Variants in DNAH14 observed in about 807,000 individuals in gnomAD.
The protein encoded by DNAH14 is axonemal beta dynein heavy chain 14.
In DNAH14, 478 loss-of-function variants were observed where a neutral mutation model predicts 520.9. The ratio of observed to expected loss-of-function variants is 0.92; its 90% CI spans 0.85 to 0.99. The LOEUF is 0.99. DNAH14 is among the 50% of genes least tolerant of loss of function. The probability of loss-of-function intolerance (pLI) is 0.00; values close to 1 mark genes in which losing one functional copy is unlikely to be tolerated. For missense variants in DNAH14, 4,831 were observed against 5,234.5 expected (o/e 0.92, Z 2.38); for synonymous variants, 1,581 against 1,757.2 (o/e 0.90, Z 2.51).
chr1:225,349,204 A>G (rs2095330014), intron 71 of DNAH14, among the ~76,000 whole-genome samples: 1 of 152,110 alleles, frequency 6.6e-6, no homozygotes, highest in Admixed American at 6.6e-5. Context: ...GAATTTTTGT[A>G]TGGGACTGAA....
At chr1:225,257,498 A>AT (rs1469397179) in intron 44 of DNAH14, among the ~76,000 whole-genome samples, 1 of 151,694 alleles carries the variant, frequency 6.6e-6, no homozygotes, top group Non-Finnish European at 1.5e-5. Flanking sequence ...ATCTTAACAT[A>AT]TTTTATTTCT....
intron 36 of DNAH14, among the ~76,000 whole-genome samples, chr1:225,174,598 A>G (rs950026696): frequency 6.6e-6 from 1 of 152,222 alleles, no homozygotes; most frequent in African/African-American, 2.4e-5. Context: ...CTTTCTGTAT[A>G]GATGATCATG....
chr1:224,982,413 C>T (rs2062340197), intron 8 of DNAH14, among the ~76,000 whole-genome samples: 1 of 152,164 alleles, frequency 6.6e-6, no homozygotes, highest in Non-Finnish European at 1.5e-5. Flanking sequence ...AGGAGCAATA[C>T]CCAACTGGTG....
intron 66 of DNAH14, among the ~76,000 whole-genome samples, chr1:225,335,379 A>ATGCACATATACACATGTGTACATGTGTG (rs1558428139): frequency 9.0e-5 from 4 of 44,504 alleles, no homozygotes; most frequent in African/African-American, 4.1e-4. Flanking sequence ...ATGTGTGTGT[A>ATGCACATATACACATGTGTACATGTGTG]TATGCACATA....
intron 35 of DNAH14, among the ~76,000 whole-genome samples, chr1:225,163,419 C>T (rs1040926118): frequency 3.0e-4 from 45 of 152,238 alleles, no homozygotes; most frequent in African/African-American, 1.0e-3. Flanking sequence ...TGAAAATGGG[C>T]ACACTTGTTG....
At chr1:225,087,551 C>A (rs1354579351) in intron 21 of DNAH14, among the ~76,000 whole-genome samples, 1 of 152,176 alleles carries the variant, frequency 6.6e-6, no homozygotes, top group Non-Finnish European at 1.5e-5. Flanking sequence ...GGACAAGGAT[C>A]CCTGAGAGTT....
At chr1:225,343,574 G>C (rs1051198992) in intron 69 of DNAH14, among the ~76,000 whole-genome samples, 1 of 152,064 alleles carries the variant, frequency 6.6e-6, no homozygotes, top group African/African-American at 2.4e-5. Context: ...ACAAAAAAAA[G>C]AGCTTAATTA....
chr1:225,373,172 G>GAAAAAAAAAA (rs3075885), intron 77 of DNAH14, among the ~76,000 whole-genome samples: 3 of 135,756 alleles, frequency 2.2e-5, no homozygotes, highest in Admixed American at 7.5e-5. Context: ...AGCATTTGTG[G>GAAAAAAAAAA]AAAAAAAAAA....
In DNAH14 at chr1:225,368,866, G is replaced by A. The variant is rs138870086; in HGVS notation, c.12318+834G>A. ...CTGCAAGCTCAACTGCCTATCAGAT[G>A]TAATACTTCTGTACCTAACCAGGAA... On this transcript the variant is annotated intron_variant, in intron 77 of 85. Coordinates refer to ENST00000682510, the MANE Select transcript of DNAH14 (RefSeq NM_001367479.1). Among the ~76,000 whole-genome samples the A allele has an allele frequency of 5.1e-3, 779 of 152,232 alleles. 2 individuals carry two copies. Among genetic ancestry groups the A allele is most frequent in the East Asian group, 0.012 (62 of 5,186 alleles).
chr1:225,258,257 AC>A, intron 45 of DNAH14, 139 bp downstream of exon 45: 1 of 842,930 alleles, frequency 1.2e-6, no homozygotes, highest in Non-Finnish European at 1.7e-6. Context: ...TTATTTTCTT[AC>A]CAGCAGTTTA....
chr1:225,123,624 T>C lies in DNAH14; in HGVS notation c.4254+10T>C, dbSNP rs1195235693. On this transcript the variant is annotated intron_variant, in intron 27 of 85. Coordinates refer to ENST00000682510, the MANE Select transcript of DNAH14 (RefSeq NM_001367479.1). ...AGTGGTACTTACTGTGGTAAGTTAA[T>C]GCTGCTTTGATGTATGTATACAGGG... 2 of 414,132 alleles carry C rather than the reference T, an allele frequency of 4.8e-6. No homozygotes were observed. The highest frequency in any genetic ancestry group is 2.1e-5 in the African/African-American group (1 of 48,490). 25.7% of individuals were successfully genotyped at this position (414,132 alleles called of 1,614,324 possible).
chr1:225,141,138 C>A, intron 28 of DNAH14, 117 bp downstream of exon 28: 2 of 1,029,870 alleles, frequency 1.9e-6, no homozygotes, highest in Non-Finnish European at 2.7e-6. Context: ...GGGGCTTTAC[C>A]AAAATTCTAA....
chr1:225,292,937 G>A (rs2093925076), intron 55 of DNAH14, among the ~76,000 whole-genome samples: 1 of 151,532 alleles, frequency 6.6e-6, no homozygotes, highest in African/African-American at 2.4e-5. Context: ...ACTGATTTTT[G>A]TATCCTGCTA....
chr1:224,990,575 T>C (rs553225091), intron 8 of DNAH14, among the ~76,000 whole-genome samples: 1 of 152,350 alleles, frequency 6.6e-6, no homozygotes, highest in South Asian at 2.1e-4. Flanking sequence ...TTTTTGTGCC[T>C]GGCTTATTTA....
Position 225,007,552 on chromosome 1 carries a change from TTTAA to T in DNAH14, c.1107+12_1107+15del, listed in dbSNP as rs771879745. 25 of 1,508,790 alleles carry T rather than the reference TTTAA, an allele frequency of 1.7e-5. No homozygotes were observed. The highest frequency in any genetic ancestry group is 2.2e-5 in the Non-Finnish European group (25 of 1,124,354). 93.5% of individuals were successfully genotyped at this position (1,508,790 alleles called of 1,614,324 possible). A position where few individuals can be genotyped will look rare whatever the true frequency, so the allele number is the denominator to read the frequency against. ...AAAAGTACTTTTCTAAAGGTAATTC[TTTAA>T]TTATATCATATTTATCAAAGTTGCA... On this transcript the variant is annotated intron_variant, in intron 10 of 85. Coordinates refer to ENST00000682510, the MANE Select transcript of DNAH14 (RefSeq NM_001367479.1).
chr1:225,115,610 C>T (rs1431766557), intron 23 of DNAH14, among the ~76,000 whole-genome samples: 1 of 152,078 alleles, frequency 6.6e-6, no homozygotes, highest in Non-Finnish European at 1.5e-5. Context: ...CCCATATAGG[C>T]CCTCTTCTAT....
At chr1:225,336,246 C>G (rs539009935) in intron 66 of DNAH14, among the ~76,000 whole-genome samples, 1 of 151,108 alleles carries the variant, frequency 6.6e-6, no homozygotes, top group Non-Finnish European at 1.5e-5. Context: ...ATAAAACATA[C>G]GTTATTTCTA....
intron 21 of DNAH14, among the ~76,000 whole-genome samples, chr1:225,087,460 G>A (rs3120983): frequency 1 from 151,994 of 152,376 alleles, 75,808 homozygotes; most frequent in Middle Eastern, 1. Context: ...CCACAGCACC[G>A]GCTTGCCTGA....
chr1:224,995,956 A>G (rs969625076), intron 8 of DNAH14, among the ~76,000 whole-genome samples: 1 of 151,984 alleles, frequency 6.6e-6, no homozygotes, highest in African/African-American at 2.4e-5. Context: ...TTAATTTTTT[A>G]TACATATCTT....
Sources: gnomAD v4.1 joint callset for allele counts (sites outside exome capture counted in the v4.1 genomes callset) on GRCh38, gnomAD v4.1.1 for gene constraint, MANE v1.5 for transcripts, NCBI Gene and HGNC (gene_info 2026-07-23, HGNC 2026-07-21) for gene names.